ELMO1: variants seen among roughly 807,000 people sequenced by gnomAD.
ELMO1 encodes engulfment and cell motility 1, also known as engulfment and cell motility protein 1.
A neutral mutation model predicts 98.9 loss-of-function variants in ELMO1; 26 were observed. That is an observed-to-expected ratio of 0.26 (90% CI 0.19 to 0.36). The LOEUF is 0.36. Among genes scored for constraint, ELMO1 ranks in the 10% least tolerant of loss-of-function variants. The pLI, the probability that ELMO1 is intolerant of heterozygous loss-of-function variation, is 1.00. For missense variants in ELMO1, 627 were observed against 935.2 expected, an observed-to-expected ratio of 0.67 and a Z score of 4.30; for synonymous variants, 346 against 346.0, an observed-to-expected ratio of 1.00 and a Z score of 0.00.
intron 15 of ELMO1, among the ~76,000 whole-genome samples, chr7:37,064,074 G>C (rs914113172): frequency 1.3e-5 from 2 of 152,092 alleles, no homozygotes; most frequent in Admixed American, 6.5e-5. Context: ...GGGCCTACAT[G>C]GAGCAGCTGA....
At chr7:37,429,016 G>A (rs1804820144) in intron 1 of ELMO1, among the ~76,000 whole-genome samples, 1 of 111,518 alleles carries the variant, frequency 9.0e-6, no homozygotes, top group South Asian at 4.3e-4. Context: ...CACACGTACT[G>A]CAGGTTGTTG....
intron 1 of ELMO1, among the ~76,000 whole-genome samples, chr7:37,408,685 A>G (rs1176436730): frequency 6.6e-6 from 1 of 152,166 alleles, no homozygotes; most frequent in East Asian, 1.9e-4. Context: ...GCATGGTTAT[A>G]CTTCTAGGGA....
At chr7:37,440,879 G>T (rs1353239643) in intron 1 of ELMO1, among the ~76,000 whole-genome samples, 1 of 151,788 alleles carries the variant, frequency 6.6e-6, no homozygotes, top group Admixed American at 6.6e-5. Flanking sequence ...CTCCTCACTT[G>T]ACCAAAAATG....
chr7:37,321,609 C>CG (rs944342974), intron 2 of ELMO1, among the ~76,000 whole-genome samples: 6 of 146,028 alleles, frequency 4.1e-5, no homozygotes, highest in African/African-American at 1.5e-4. Context: ...CCCAGCTACT[C>CG]GGGAGGCTGA....
intron 14 of ELMO1, among the ~76,000 whole-genome samples, chr7:37,099,620 T>TA (rs977352561): frequency 3.3e-5 from 5 of 152,206 alleles, no homozygotes; most frequent in Non-Finnish European, 5.9e-5. Context: ...ATATTTTATT[T>TA]AAAAAAACTG....
chr7:37,208,614 G>C (rs1048638125), intron 13 of ELMO1, among the ~76,000 whole-genome samples: 10 of 152,164 alleles, frequency 6.6e-5, no homozygotes, highest in Non-Finnish European at 1.5e-4. Flanking sequence ...GCCAGACCCT[G>C]ATATCATCAG....
At chr7:37,333,274 T>A (rs1267244241) in intron 2 of ELMO1, among the ~76,000 whole-genome samples, 1 of 152,216 alleles carries the variant, frequency 6.6e-6, no homozygotes, top group Non-Finnish European at 1.5e-5. Flanking sequence ...ACAATTAACC[T>A]GTTGACCTAA....
At chr7:37,372,436 A>C (rs1364038251) in intron 1 of ELMO1, among the ~76,000 whole-genome samples, 1 of 152,218 alleles carries the variant, frequency 6.6e-6, no homozygotes, top group Non-Finnish European at 1.5e-5. Flanking sequence ...TTAAATGATT[A>C]CAATGAGTCC....
intron 14 of ELMO1, among the ~76,000 whole-genome samples, chr7:37,100,182 G>A (rs973995515): frequency 2.0e-5 from 3 of 152,140 alleles, no homozygotes; most frequent in African/African-American, 7.2e-5. Context: ...AGAAGCTAAG[G>A]GGACTTTGGT....
chr7:36,989,111 A>C (rs1791698380), intron 16 of ELMO1, among the ~76,000 whole-genome samples: 1 of 152,218 alleles, frequency 6.6e-6, no homozygotes. Flanking sequence ...ATAATTCAGG[A>C]ATTAACCTAG....
At chr7:36,926,846 A>G (rs907268130) in intron 16 of ELMO1, among the ~76,000 whole-genome samples, 1 of 152,222 alleles carries the variant, frequency 6.6e-6, no homozygotes, top group African/African-American at 2.4e-5. Flanking sequence ...AGAATCCCAT[A>G]ATTTAGTATG....
intron 16 of ELMO1, among the ~76,000 whole-genome samples, chr7:36,951,749 T>G (rs1373528031): frequency 5.3e-5 from 8 of 152,218 alleles, no homozygotes; most frequent in Admixed American, 5.2e-4. Flanking sequence ...TTCACAGCAC[T>G]TCTTACGCTT....
intron 13 of ELMO1, among the ~76,000 whole-genome samples, chr7:37,165,633 T>C (rs1789618933): frequency 6.6e-6 from 1 of 152,210 alleles, no homozygotes; most frequent in African/African-American, 2.4e-5. Context: ...ATATGCTGGA[T>C]TACATTTATT....
chr7:37,354,168 C>T (rs1212258301), intron 1 of ELMO1, among the ~76,000 whole-genome samples: 1 of 152,192 alleles, frequency 6.6e-6, no homozygotes, highest in Non-Finnish European at 1.5e-5. Flanking sequence ...GGACTCATAT[C>T]TTACTCATCT....
chr7:36,909,376 A>C (rs1784188994), intron 16 of ELMO1, among the ~76,000 whole-genome samples: 1 of 152,182 alleles, frequency 6.6e-6, no homozygotes, highest in South Asian at 2.1e-4. Context: ...GGAGCCAGGG[A>C]ATTTGCTGGG....
intron 15 of ELMO1, among the ~76,000 whole-genome samples, chr7:37,079,567 C>A (rs1562987055): frequency 6.6e-6 from 1 of 152,132 alleles, no homozygotes; most frequent in Non-Finnish European, 1.5e-5. Context: ...TGCTCTTAAC[C>A]CATCTAGTTG....
intron 13 of ELMO1, among the ~76,000 whole-genome samples, chr7:37,191,282 T>C (rs1161611091): frequency 6.6e-6 from 1 of 151,672 alleles, no homozygotes; most frequent in Non-Finnish European, 1.5e-5. Context: ...TATAGAAATA[T>C]GGCTGATTTT....
At chr7:37,112,590 C>T (rs559657834) in intron 14 of ELMO1, among the ~76,000 whole-genome samples, 58 of 152,290 alleles carry the variant, frequency 3.8e-4, no homozygotes, top group African/African-American at 1.4e-3. Context: ...TGTTACAGAG[C>T]AGCATTTGAT....
intron 16 of ELMO1, among the ~76,000 whole-genome samples, chr7:36,939,068 T>A (rs943278824): frequency 6.6e-6 from 1 of 151,638 alleles, no homozygotes; most frequent in Non-Finnish European, 1.5e-5. Flanking sequence ...AAAAAAAAAA[T>A]GAACATGTAT....
Sources: allele counts gnomAD v4.1 joint callset (sites outside exome capture counted in the v4.1 genomes callset), GRCh38; gene constraint gnomAD v4.1.1; transcripts MANE v1.5; gene names NCBI Gene and HGNC (gene_info 2026-07-23, HGNC 2026-07-21).